RANBP2: variants seen among roughly 807,000 people sequenced by gnomAD.
RANBP2 encodes the protein E3 SUMO-protein ligase RanBP2.
RANBP2 carries 57 observed loss-of-function variants against 303.6 expected under a neutral mutation model. The ratio of observed to expected loss-of-function variants is 0.19; its 90% CI spans 0.15 to 0.23. RANBP2 has a LOEUF of 0.23. Among genes scored for constraint, RANBP2 ranks in the 10% least tolerant of loss-of-function variants. The pLI is 1.00. For missense variants in RANBP2, 3,138 were observed against 3,780.8 expected, an observed-to-expected ratio of 0.83 and a Z score of 4.46; for synonymous variants, 1,167 against 1,301.5, an observed-to-expected ratio of 0.90 and a Z score of 2.23.
chr2:108,873,433 T>C, the RANBP2 span: 1 of 1,570,380 alleles, frequency 6.4e-7, no homozygotes, highest in Non-Finnish European at 8.6e-7. Context: ...AGTAAAGCAC[T>C]GTTGATTTGT....
At chr2:109,574,843 G>C in the RANBP2 span, 2 of 1,061,252 alleles carry the variant, frequency 1.9e-6, no homozygotes, top group East Asian at 2.7e-5. Flanking sequence ...TTAGAAGTTT[G>C]AGGTCTATAT....
At chr2:108,841,989 T>G in the RANBP2 span, among the ~76,000 whole-genome samples, 1 of 152,118 alleles carries the variant, frequency 6.6e-6, no homozygotes, top group Non-Finnish European at 1.5e-5. Context: ...CTCCAATGAT[T>G]AGAAGTCATA....
chr2:109,177,513 T>TA, the RANBP2 span, among the ~76,000 whole-genome samples: 1 of 152,198 alleles, frequency 6.6e-6, no homozygotes, highest in Non-Finnish European at 1.5e-5. Context: ...GAAGCCACTA[T>TA]TTAACTTCTC....
chr2:109,691,496 T>A, the RANBP2 span, among the ~76,000 whole-genome samples: 2 of 152,124 alleles, frequency 1.3e-5, no homozygotes, highest in South Asian at 4.1e-4. Flanking sequence ...AGGACTACCC[T>A]GCACTTGGCT....
At chr2:109,637,037 A>G in the RANBP2 span, among the ~76,000 whole-genome samples, 1 of 152,162 alleles carries the variant, frequency 6.6e-6, no homozygotes, top group Non-Finnish European at 1.5e-5. Flanking sequence ...TATCTTCATT[A>G]TTTCAGTAAA....
At chr2:109,472,069 C>T in the RANBP2 span, among the ~76,000 whole-genome samples, 13 of 152,224 alleles carry the variant, frequency 8.5e-5, no homozygotes, top group African/African-American at 3.1e-4. Context: ...CAGCTTCTTT[C>T]AAATTCCCAT....
chr2:109,262,235 C>T, the RANBP2 span, among the ~76,000 whole-genome samples: 3 of 152,310 alleles, frequency 2.0e-5, no homozygotes, highest in East Asian at 5.8e-4. Flanking sequence ...TGCATTTAAC[C>T]ATCTGAGGCT....
At chr2:108,781,772 A>G (rs571005228) in intron 26 of RANBP2, among the ~76,000 whole-genome samples, 24 of 152,288 alleles carry the variant, frequency 1.6e-4, no homozygotes, top group African/African-American at 5.8e-4. Context: ...TGTTTTTTGG[A>G]CAAGAACATT....
chr2:108,876,036 G>A, the RANBP2 span: 1 of 1,221,728 alleles, frequency 8.2e-7, no homozygotes, highest in Admixed American at 2.0e-5. Context: ...TGTCATTGCA[G>A]ATAAACTCTC....
At chr2:109,639,755 C>T in the RANBP2 span, among the ~76,000 whole-genome samples, 1 of 150,968 alleles carries the variant, frequency 6.6e-6, no homozygotes, top group Non-Finnish European at 1.5e-5. Flanking sequence ...CTCTGTCACC[C>T]AGGCTGGAGT....
chr2:109,372,847 C>T, the RANBP2 span, among the ~76,000 whole-genome samples: 1 of 152,214 alleles, frequency 6.6e-6, no homozygotes, highest in African/African-American at 2.4e-5. Flanking sequence ...ACGGGTGACA[C>T]GGCCAGCTTT....
chr2:108,885,935 A>C, the RANBP2 span, among the ~76,000 whole-genome samples: 1 of 152,222 alleles, frequency 6.6e-6, no homozygotes, highest in Non-Finnish European at 1.5e-5. Context: ...TGCAAATGAC[A>C]TGACTTCATT....
At chr2:109,654,599 T>C in the RANBP2 span, among the ~76,000 whole-genome samples, 4 of 152,244 alleles carry the variant, frequency 2.6e-5, no homozygotes, top group South Asian at 8.3e-4. Flanking sequence ...AGCCCTTCAC[T>C]GAAAGCAAAG....
the RANBP2 span, among the ~76,000 whole-genome samples, chr2:109,511,766 C>T: frequency 6.6e-6 from 1 of 152,220 alleles, no homozygotes; most frequent in Non-Finnish European, 1.5e-5. Context: ...CTTGTCCACA[C>T]CCTCCCTGCA....
At chr2:109,299,401 G>A in the RANBP2 span, among the ~76,000 whole-genome samples, 22 of 149,800 alleles carry the variant, frequency 1.5e-4, no homozygotes, top group Non-Finnish European at 2.2e-4. Context: ...CAGGGTCCTT[G>A]ACACATCCTT....
At chr2:109,084,866 A>G in the RANBP2 span, among the ~76,000 whole-genome samples, 4 of 152,164 alleles carry the variant, frequency 2.6e-5, no homozygotes, top group East Asian at 7.7e-4. Context: ...CCAAGAGGAA[A>G]CTGATGCCTA....
the RANBP2 span, among the ~76,000 whole-genome samples, chr2:109,131,111 T>A: frequency 5.4e-4 from 82 of 152,256 alleles, no homozygotes; most frequent in African/African-American, 1.9e-3. Flanking sequence ...GCCTAGTCCT[T>A]CCACTATGTG....
chr2:109,410,825 C>T, the RANBP2 span, among the ~76,000 whole-genome samples: 1 of 148,860 alleles, frequency 6.7e-6, no homozygotes, highest in East Asian at 2.0e-4. Flanking sequence ...GACAGGGCTG[C>T]ACTTGGCTTT....
chr2:109,519,349 C>G, the RANBP2 span, among the ~76,000 whole-genome samples: 1 of 152,208 alleles, frequency 6.6e-6, no homozygotes, highest in African/African-American at 2.4e-5. Flanking sequence ...GCCCCACCTC[C>G]AGCATTGGGG....
Sources: allele counts gnomAD v4.1 joint callset (sites outside exome capture counted in the v4.1 genomes callset), GRCh38; gene constraint gnomAD v4.1.1; transcripts MANE v1.5; gene names NCBI Gene and HGNC (gene_info 2026-07-23, HGNC 2026-07-21).